Variants in RYR3 observed in about 807,000 individuals in gnomAD.
RYR3 encodes brain ryanodine receptor-calcium release channel.
Under a neutral mutation model 584.3 loss-of-function variants are expected in RYR3, and 207 were observed. The ratio of observed to expected loss-of-function variants is 0.35; its 90% CI spans 0.32 to 0.40. The LOEUF is 0.40. RYR3 is among the 10% of genes least tolerant of loss of function. The pLI, the probability that RYR3 is intolerant of heterozygous loss-of-function variation, is 1.00. For synonymous variants in RYR3, 2,416 were observed against 2,248.5 expected, an observed-to-expected ratio of 1.07 and a Z score of -2.11; for missense variants, 5,616 against 6,089.2, an observed-to-expected ratio of 0.92 and a Z score of 2.59.
At chr15:33,327,871 A>T (rs1969916641) in intron 1 of RYR3, among the ~76,000 whole-genome samples, 1 of 152,192 alleles carries the variant, frequency 6.6e-6, no homozygotes, top group South Asian at 2.1e-4. Context: ...GATATTCTGC[A>T]AGTATTACTT....
At chr15:33,508,811 C>T (rs1001961111) in intron 3 of RYR3, among the ~76,000 whole-genome samples, 1 of 152,180 alleles carries the variant, frequency 6.6e-6, no homozygotes, top group Non-Finnish European at 1.5e-5. Flanking sequence ...GAGCTTTTGG[C>T]TCCTTTGATT....
chr15:33,517,887 A>G (rs899481165), intron 3 of RYR3, among the ~76,000 whole-genome samples: 1 of 152,196 alleles, frequency 6.6e-6, no homozygotes, highest in Non-Finnish European at 1.5e-5. Context: ...TGATGACAGC[A>G]TGATTTAATA....
chr15:33,417,661 C>T (rs544641893), intron 1 of RYR3, among the ~76,000 whole-genome samples: 7 of 151,994 alleles, frequency 4.6e-5, no homozygotes, highest in South Asian at 2.1e-4. Flanking sequence ...TTTTTCTATT[C>T]GTATGCCTTT....
chr15:33,818,547 G>A (rs758801995), intron 75 of RYR3, 31 bp from the exon 76 acceptor site: 2 of 1,532,890 alleles, frequency 1.3e-6, no homozygotes, highest in Admixed American at 1.7e-5. Context: ...TTAAATTCAT[G>A]CCTAAAACCT....
At chr15:33,608,876 A>G (rs1172804404) in intron 18 of RYR3, among the ~76,000 whole-genome samples, 1 of 152,246 alleles carries the variant, frequency 6.6e-6, no homozygotes, top group African/African-American at 2.4e-5. Context: ...TTCAATGGAA[A>G]GAATAAGCCA....
In RYR3 at chr15:33,317,242, C is replaced by T. The variant is rs1279661506; in HGVS notation, c.51+6146C>T. Among the ~76,000 whole-genome samples, 4 of 152,288 alleles carry T rather than the reference C, an allele frequency of 2.6e-5. No individual in the cohort carries two copies. The East Asian group carries it at 7.7e-4, about 29-fold the overall frequency. On this transcript the variant is annotated intron_variant, in intron 1 of 103. Coordinates refer to ENST00000634891, the MANE Select transcript of RYR3 (RefSeq NM_001036.6). ...CTCAAAGCACTGGGGACCTGCTTTC[C>T]TGTAAAACCAGAGCGGGTTTTTCTC...
intron 45 of RYR3, among the ~76,000 whole-genome samples, chr15:33,725,974 C>CCGG (rs571518638): frequency 2.7e-5 from 1 of 37,622 alleles, no homozygotes; most frequent in Non-Finnish European, 5.7e-5. Flanking sequence ...CATCCCCCCC[C>CCGG]CCAAAAAAAA....
At chr15:33,794,112 T>C (rs1461240933) in intron 67 of RYR3, among the ~76,000 whole-genome samples, 83 of 123,500 alleles carry the variant, frequency 6.7e-4, no homozygotes, top group Non-Finnish European at 1.2e-3. Flanking sequence ...ATAAATATAA[T>C]ATACATAAAT....
chr15:33,844,856 AG>A lies in RYR3; in HGVS notation c.13297-5del. On this transcript the variant is annotated splice_region_variant and splice_polypyrimidine_tract_variant and intron_variant, in intron 92 of 103. Transcript: ENST00000634891. ...GTTTAATAAGCGAGTGTGTATTTTG[AG>A]CCAGGTCACTGAAGAACCTTTAGAA... is the stretch of plus-strand genomic sequence containing the variant. 6.2e-7 allele frequency: 1 copy of A among 1,612,776 alleles called. No homozygotes were observed. Among genetic ancestry groups the A allele is most frequent in the Non-Finnish European group, 8.5e-7 (1 of 1,179,272 alleles).
intron 18 of RYR3, among the ~76,000 whole-genome samples, chr15:33,612,534 A>G (rs575451687): frequency 1.3e-5 from 2 of 152,072 alleles, no homozygotes; most frequent in South Asian, 4.2e-4. Context: ...CTACTTTTGT[A>G]TTTTTAGTAG....
Position 33,854,786 on chromosome 15 carries a change from G to T in RYR3, c.13881G>T (p.Trp4627Cys). Residue 4627 changes from tryptophan (W) to cysteine (C), a missense_variant, in exon 98 of 104, where the codon TGG becomes TGT. Around this residue, in one of 9 missense-constraint regions of RYR3, gnomAD observed 918 missense variants for 887.4 expected, o/e 1.03. Coordinates refer to ENST00000634891, the MANE Select transcript of RYR3 (RefSeq NM_001036.6). ...FTDNSFLYLAWYTTMSVLGHY... is the reference protein window; with the variant it reads ...FTDNSFLYLACYTTMSVLGHY... ...CCCAGTCCTTTCTCTACCTTGCCTG[G>T]TATACAACCATGTCAGTCCTGGGCC... 6.2e-7 allele frequency: 1 copy of T among 1,611,520 alleles called. No individual in the cohort carries two copies. Among genetic ancestry groups the T allele is most frequent in the Non-Finnish European group, 8.5e-7 (1 of 1,179,060 alleles).
At chr15:33,828,382 G>T (rs973352605) in intron 85 of RYR3, among the ~76,000 whole-genome samples, 29 of 152,266 alleles carry the variant, frequency 1.9e-4, no homozygotes, top group African/African-American at 6.7e-4. Context: ...TCAAAAGCTG[G>T]AAATGATTAA....
chr15:33,656,391 C>T (rs567167111), intron 32 of RYR3, among the ~76,000 whole-genome samples: 1 of 152,336 alleles, frequency 6.6e-6, no homozygotes, highest in South Asian at 2.1e-4. Context: ...TCACTGCCGC[C>T]TCCCCATGCA....
chr15:33,579,373 G>A (rs915230432), intron 12 of RYR3, among the ~76,000 whole-genome samples: 1 of 152,154 alleles, frequency 6.6e-6, no homozygotes, highest in Non-Finnish European at 1.5e-5. Flanking sequence ...GTGGAGGGGG[G>A]TGCAAGAGGA....
At chr15:33,625,161 G>GGA (rs1176089304) in intron 20 of RYR3, among the ~76,000 whole-genome samples, 1 of 152,084 alleles carries the variant, frequency 6.6e-6, no homozygotes, top group African/African-American at 2.4e-5. Context: ...TAAGGCAGCA[G>GGA]GAGAGAGAGA....
chr15:33,858,032 G>C (rs2153009017), intron 99 of RYR3, 118 bp downstream of exon 99: 1 of 1,276,402 alleles, frequency 7.8e-7, no homozygotes, highest in Middle Eastern at 2.7e-4. Context: ...GTTAGTTACA[G>C]AGCACAGCAG....
chr15:33,613,443 C>T, intron 19 of RYR3, 68 bp downstream of exon 19: 4 of 1,468,104 alleles, frequency 2.7e-6, no homozygotes, highest in Admixed American at 2.1e-5. Flanking sequence ...CTGTGAGCTG[C>T]GAAGCCAGCA....
intron 81 of RYR3, among the ~76,000 whole-genome samples, 159 bp from the exon 82 acceptor site, chr15:33,825,444 A>C (rs1035168535): frequency 6.6e-6 from 1 of 152,110 alleles, no homozygotes; most frequent in Non-Finnish European, 1.5e-5. Flanking sequence ...TCGGCACAAA[A>C]CCAAGGAATC....
At chr15:33,488,534 G>C (rs2142454607) in intron 2 of RYR3, among the ~76,000 whole-genome samples, 1 of 148,726 alleles carries the variant, frequency 6.7e-6, no homozygotes, top group East Asian at 2.0e-4. Flanking sequence ...GGTATATTGT[G>C]TTTGTGTTAG....
Sources: gnomAD v4.1 joint callset for allele counts (sites outside exome capture counted in the v4.1 genomes callset) on GRCh38, gnomAD v4.1.1 for gene constraint, gnomAD v4.1.1 regional missense constraint, MANE v1.5 for transcripts, NCBI Gene and HGNC (gene_info 2026-07-23, HGNC 2026-07-21) for gene names.